The following NACC2 variants were observed in gnomAD, a reference collection of about 807,000 sequenced individuals.
NACC2 encodes NACC family member 2, also known as nucleus accumbens-associated protein 2.
Under a neutral mutation model 25.1 loss-of-function variants are expected in NACC2, and 8 were observed. That is an observed-to-expected ratio of 0.32 (90% CI 0.19 to 0.57). The LOEUF (loss-of-function observed/expected upper bound fraction) is 0.57, where lower values mean the gene tolerates loss of function less well. NACC2 is among the 20% of genes least tolerant of loss of function. NACC2 has a pLI of 0.89. For missense variants in NACC2, 644 were observed against 650.2 expected, an observed-to-expected ratio of 0.99 and a Z score of 0.10; for synonymous variants, 435 against 294.7, an observed-to-expected ratio of 1.48 and a Z score of -4.88.
At chr9:136,085,211 G>A (rs1051858312) in intron 1 of NACC2, among the ~76,000 whole-genome samples, 1 of 134,972 alleles carries the variant, frequency 7.4e-6, no homozygotes, top group African/African-American at 2.8e-5. Context: ...GTGCAGTGGT[G>A]CCATCTCAGC....
chr9:136,033,224 T>C (rs922171439), intron 2 of NACC2, among the ~76,000 whole-genome samples: 3 of 151,888 alleles, frequency 2.0e-5, no homozygotes, highest in African/African-American at 4.8e-5. Flanking sequence ...AATCTGCAGG[T>C]AGACTCTCAG....
chr9:136,056,481 G>C (rs1376795380), intron 1 of NACC2, among the ~76,000 whole-genome samples: 1 of 152,194 alleles, frequency 6.6e-6, no homozygotes, highest in Non-Finnish European at 1.5e-5. Flanking sequence ...ATCCTTCCTG[G>C]GTGGTCTCTG....
At chr9:136,016,235 A>G in intron 3 of NACC2, 30 bp downstream of exon 3, 3 of 1,610,944 alleles carry the variant, frequency 1.9e-6, no homozygotes, top group Non-Finnish European at 2.5e-6. Context: ...GGACATTTGC[A>G]TACAATAGAT....
In NACC2 at chr9:136,013,369, G is replaced by C. The variant is rs985151782; in HGVS notation, c.1158-73C>G. ...GTACCTGGAGGCGACCCGCCCGCAC[G>C]AATGCCCTGCTGGGAGGCCACTTGG... On this transcript the variant is annotated intron_variant, in intron 4 of 5. Coordinates refer to ENST00000277554, the MANE Select transcript of NACC2 (RefSeq NM_144653.5). This position sits in a 1 kb window ranked among gnomAD's most constrained non-coding sequence, Gnocchi z 6.6. 85 of 1,386,658 alleles carry C rather than the reference G, an allele frequency of 6.1e-5. No homozygotes were observed. The highest frequency in any genetic ancestry group is 2.5e-4 in the Middle Eastern group (1 of 4,068). The allele number at this position is 1,386,658 out of a possible 1,614,324, so 85.9% of individuals were successfully genotyped here. A position where few individuals can be genotyped will look rare whatever the true frequency, so the allele number is the denominator to read the frequency against.
chr9:136,042,765 C>T (rs1219795338), intron 2 of NACC2, among the ~76,000 whole-genome samples: 4 of 149,196 alleles, frequency 2.7e-5, no homozygotes, highest in South Asian at 2.2e-4. Context: ...GACACACACA[C>T]AGAGACACAC....
At position 136,020,093 on chromosome 9, in the gene NACC2, G is replaced by A. The variant is rs1294417722; in HGVS notation, c.887-3664C>T. Reference sequence around the variant, plus strand: ...CGATGGCAGTGATGCTCACAAAACAGTGGGAATGCGCTTAGCATCACCGAA... The same window carrying A: ...CGATGGCAGTGATGCTCACAAAACAATGGGAATGCGCTTAGCATCACCGAA... On this transcript the variant is annotated intron_variant, in intron 2 of 5. Coordinates refer to ENST00000277554, the MANE Select transcript of NACC2 (RefSeq NM_144653.5). This position sits in a 1 kb window ranked among gnomAD's most constrained non-coding sequence, Gnocchi z 4.7. Among the ~76,000 whole-genome samples the A allele has an allele frequency of 6.6e-6, 1 of 152,192 alleles. No individual in the cohort carries two copies. Among genetic ancestry groups the A allele is most frequent in the East Asian group, 1.9e-4 (1 of 5,188 alleles).
intron 2 of NACC2, among the ~76,000 whole-genome samples, chr9:136,046,644 T>C (rs1472009419): frequency 6.6e-6 from 1 of 152,214 alleles, no homozygotes; most frequent in Non-Finnish European, 1.5e-5. Flanking sequence ...CACCCATGCA[T>C]GGCGCCTTCT....
At position 136,071,506 on chromosome 9, in the gene NACC2, G is replaced by A. The variant is rs1841151199; in HGVS notation, c.-59-20926C>T. On this transcript the variant is annotated intron_variant, in intron 1 of 5. Coordinates refer to ENST00000277554, the MANE Select transcript of NACC2 (RefSeq NM_144653.5). ...TGTACTGAGCTGAAACCATGCCAAT[G>A]CACTCCAGCCTGGATGATAGAGTGA... Among the ~76,000 whole-genome samples the A allele has an allele frequency of 2.4e-5, 3 of 124,532 alleles. No individual in the cohort carries two copies. In the South Asian group the frequency reaches 7.9e-4, roughly 33 times the overall value. The allele number at this position is 124,532 out of a possible 152,430, so 81.7% of individuals were successfully genotyped here. A position where few individuals can be genotyped will look rare whatever the true frequency, so the allele number is the denominator to read the frequency against.
In NACC2 at chr9:136,048,600, G is replaced by A. The variant is rs949109996; in HGVS notation, c.886+1036C>T. ...GCGGAGTTCTCAGGAAGACACCACG[G>A]AGCCCAGAGCACCTGCTGGCAAGGC... On this transcript the variant is annotated intron_variant, in intron 2 of 5. Transcript: ENST00000277554. Among the ~76,000 whole-genome samples the A allele has an allele frequency of 1.4e-4, 21 of 152,376 alleles. No homozygotes were observed. The East Asian group carries it at 2.5e-3, about 18-fold the overall frequency.
rs573012237 is a variant in NACC2, at chr9:136,086,103, C to G, written c.-60+9086G>C. ...CAGGAGCCGCCTCCAGGCCCTTCAC[C>G]TCGGGCTGGAGAAAACCAAGTCACC... is the stretch of plus-strand genomic sequence containing the variant. On this transcript the variant is annotated intron_variant, in intron 1 of 5. Transcript: ENST00000277554. The surrounding 1 kb of genome is among the most constrained non-coding windows in gnomAD (Gnocchi z 5.6). Among the ~76,000 whole-genome samples, 1 of 152,252 alleles carries G rather than the reference C, an allele frequency of 6.6e-6. No individual in the cohort carries two copies. The highest frequency in any genetic ancestry group is 1.5e-5 in the Non-Finnish European group (1 of 68,038).
At chr9:136,046,109 A>C (rs1840720289) in intron 2 of NACC2, among the ~76,000 whole-genome samples, 1 of 152,222 alleles carries the variant, frequency 6.6e-6, no homozygotes, top group African/African-American at 2.4e-5. Flanking sequence ...CCAAGTCCCA[A>C]GGCACAGGCT....
At chr9:136,073,436 AAT>A (rs1349149761) in intron 1 of NACC2, among the ~76,000 whole-genome samples, 1 of 144,624 alleles carries the variant, frequency 6.9e-6, no homozygotes, top group Non-Finnish European at 1.5e-5. Flanking sequence ...TCAAAAAAAA[AAT>A]TTTTAATAAA....
intron 2 of NACC2, among the ~76,000 whole-genome samples, 158 bp from the exon 3 acceptor site, chr9:136,016,587 T>A (rs1423169180): frequency 6.6e-6 from 1 of 152,196 alleles, no homozygotes; most frequent in South Asian, 2.1e-4. Flanking sequence ...CCTGCTGGCC[T>A]GGGTCAGACT....
intron 2 of NACC2, among the ~76,000 whole-genome samples, chr9:136,047,969 G>A (rs1000772268): frequency 2.0e-5 from 3 of 152,234 alleles, no homozygotes; most frequent in Non-Finnish European, 4.4e-5. Context: ...AGCAGCAGGG[G>A]GCTGTGCAGG....
chr9:136,055,055 G>T lies in NACC2; in HGVS notation c.-59-4475C>A, dbSNP rs1840903167. On this transcript the variant is annotated intron_variant, in intron 1 of 5. Transcript: ENST00000277554. This position sits in a 1 kb window ranked among gnomAD's most constrained non-coding sequence, Gnocchi z 4.9. ...GAATAAGAAAATACAGGTGGCTGTG[G>T]TGTCGGAGTGGGGGGTCTCTCCTCT... 6.6e-6 allele frequency among the ~76,000 whole-genome samples: 1 copy of T among 152,124 alleles called. No homozygotes were observed. The highest frequency in any genetic ancestry group is 2.4e-5 in the African/African-American group (1 of 41,420).
intron 1 of NACC2, among the ~76,000 whole-genome samples, chr9:136,079,675 G>A (rs975851446): frequency 2.2e-4 from 34 of 152,320 alleles, no homozygotes; most frequent in East Asian, 9.7e-4. Context: ...GGCACTCCCC[G>A]AATGCACTCC....
chr9:136,042,773 CACAG>C (rs371116437), intron 2 of NACC2, among the ~76,000 whole-genome samples: 7 of 148,736 alleles, frequency 4.7e-5, no homozygotes, highest in Non-Finnish European at 8.9e-5. Context: ...CACAGAGACA[CACAG>C]ACACACACAC....
At chr9:136,063,265 G>A (rs548068455) in intron 1 of NACC2, among the ~76,000 whole-genome samples, 78 of 152,318 alleles carry the variant, frequency 5.1e-4, no homozygotes, top group African/African-American at 1.9e-3. Flanking sequence ...TGGGAGCAAC[G>A]CACCAGCGAG....
At chr9:136,028,695 T>C (rs546795132) in intron 2 of NACC2, among the ~76,000 whole-genome samples, 11 of 152,298 alleles carry the variant, frequency 7.2e-5, no homozygotes, top group African/African-American at 2.6e-4. Context: ...GCAGCTGCAG[T>C]TGCCCAGCTG....
Sources: gnomAD v4.1 joint callset for allele counts (sites outside exome capture counted in the v4.1 genomes callset) on GRCh38, gnomAD v4.1.1 for gene constraint, Gnocchi (gnomAD v3.1) non-coding constraint, MANE v1.5 for transcripts, NCBI Gene and HGNC (gene_info 2026-07-23, HGNC 2026-07-21) for gene names.